LRRC3C: variants seen among roughly 807,000 people sequenced by gnomAD.
The protein encoded by LRRC3C is leucine-rich repeat-containing protein 3C.
A neutral mutation model predicts 14.8 loss-of-function variants in LRRC3C; 11 were observed. The ratio of observed to expected loss-of-function variants is 0.74; its 90% CI spans 0.47 to 1.23. LRRC3C has a LOEUF of 1.23. Ranked by LOEUF, LRRC3C falls within the 50% of genes most tolerant of loss-of-function variation. LRRC3C has a pLI of 0.00. For missense variants in LRRC3C, 354 were observed against 361.8 expected (o/e 0.98, Z 0.18); for synonymous variants, 149 against 161.5 (o/e 0.92, Z 0.59).
chr17:39,928,044 C>T (rs1978535308), intron 1 of LRRC3C: 2 of 219,924 alleles, frequency 9.1e-6, no homozygotes, highest in Non-Finnish European at 1.5e-5. Flanking sequence ...CAGACTAGCC[C>T]GGCCCTTTGC....
At position 39,937,812 on chromosome 17, in the gene LRRC3C, A is replaced by C. The variant is rs183375141; in HGVS notation, c.-82+1918A>C. On this transcript the variant is annotated intron_variant, in intron 2 of 3. Transcript: ENST00000377924. ...ATGATTCTTACCCTAGGTTGCCATTAGAATCACCTGAGGAGCTTTTGAAAA... is the reference window on the plus strand; with the variant it reads ...ATGATTCTTACCCTAGGTTGCCATTCGAATCACCTGAGGAGCTTTTGAAAA... Among the ~76,000 whole-genome samples, 499 of 152,336 alleles carry C rather than the reference A, an allele frequency of 3.3e-3. 1 individual carries two copies. The highest frequency in any genetic ancestry group is 3.1e-3 in the Admixed American group (47 of 15,302).
At chr17:39,927,946 G>T in intron 1 of LRRC3C, 132 bp downstream of exon 1, 3 of 860,328 alleles carry the variant, frequency 3.5e-6, no homozygotes, top group Non-Finnish European at 4.2e-6. Context: ...AGACTGGATC[G>T]AAACCCAAAT....
At chr17:39,935,689 C>A in intron 1 of LRRC3C, 113 bp from the exon 2 acceptor site, 2 of 384,148 alleles carry the variant, frequency 5.2e-6, no homozygotes, top group Non-Finnish European at 7.1e-6. Flanking sequence ...TCCCCAATGC[C>A]TAAGAGGCCC....
chr17:39,928,643 C>G (rs900932215), intron 1 of LRRC3C, among the ~76,000 whole-genome samples: 3 of 152,244 alleles, frequency 2.0e-5, no homozygotes, highest in African/African-American at 7.2e-5. Context: ...TCTAAGTCCA[C>G]TCTATGCAGG....
rs1385474161 is a variant in LRRC3C at position 39,944,765 on chromosome 17, A to C, written c.*31A>C. 6 of 1,528,216 alleles carry C rather than the reference A, an allele frequency of 3.9e-6. No individual in the cohort carries two copies. Among genetic ancestry groups the C allele is most frequent in the Non-Finnish European group, 5.3e-6 (6 of 1,141,132 alleles). The allele number at this position is 1,528,216 out of a possible 1,614,324, so 94.7% of individuals were successfully genotyped here. A position where few individuals can be genotyped will look rare whatever the true frequency, so the allele number is the denominator to read the frequency against. ...CAGGATGCTCCTCCAGCCACACCCC[A>C]CACTCCTGCCCCTATGCCCTCTCCT... On this transcript the variant is annotated 3_prime_UTR_variant, in exon 4 of 4. Transcript: ENST00000377924.
intron 2 of LRRC3C, among the ~76,000 whole-genome samples, chr17:39,937,062 A>G (rs12601749): frequency 0.62 from 94,263 of 151,380 alleles, 30,044 homozygotes; most frequent in African/African-American, 0.77. Flanking sequence ...GCTTGAACCC[A>G]GGAGGCAGAG....
intron 1 of LRRC3C, chr17:39,929,250 C>G (rs978940309): frequency 1.3e-5 from 2 of 152,208 alleles, no homozygotes; most frequent in Non-Finnish European, 2.9e-5. Flanking sequence ...TTCCTGACAT[C>G]TCTATGAAGT....
intron 1 of LRRC3C, among the ~76,000 whole-genome samples, chr17:39,932,449 A>G (rs1000550125): frequency 3.3e-5 from 5 of 152,180 alleles, no homozygotes; most frequent in Admixed American, 3.3e-4. Context: ...CAAGCCTGTA[A>G]TCCCAGCACT....
intron 1 of LRRC3C, chr17:39,934,731 C>A (rs1978750906): frequency 1.3e-5 from 2 of 152,082 alleles, no homozygotes; most frequent in Admixed American, 1.3e-4. Context: ...CAGGGTGAGT[C>A]CACAGTGCAA....
intron 1 of LRRC3C, among the ~76,000 whole-genome samples, chr17:39,930,194 A>G (rs1432606982): frequency 6.8e-6 from 1 of 146,838 alleles, no homozygotes; most frequent in Non-Finnish European, 1.5e-5. Context: ...GGGAGGATCA[A>G]TTGAGCCCGG....
intron 2 of LRRC3C, among the ~76,000 whole-genome samples, chr17:39,940,925 G>A (rs551364547): frequency 2.6e-4 from 40 of 152,132 alleles, no homozygotes; most frequent in African/African-American, 9.4e-4. Context: ...TGTATTTTTA[G>A]TAGAGATGGT....
intron 2 of LRRC3C, chr17:39,939,535 C>A: frequency 2.2e-6 from 1 of 453,328 alleles, no homozygotes; most frequent in Non-Finnish European, 2.9e-6. Flanking sequence ...CCCAGCATAA[C>A]TAATCTGTAA....
chr17:39,931,597 A>G (rs1389143681), intron 1 of LRRC3C, among the ~76,000 whole-genome samples: 1 of 151,020 alleles, frequency 6.6e-6, no homozygotes, highest in African/African-American at 2.4e-5. Context: ...GGTGATAATT[A>G]TGGAAGCTGT....
intron 1 of LRRC3C, among the ~76,000 whole-genome samples, chr17:39,930,396 T>TG (rs1460871943): frequency 2.1e-5 from 1 of 48,612 alleles, no homozygotes; most frequent in Non-Finnish European, 4.2e-5. Context: ...AAACTGACTT[T>TG]AAAAAAAAAA....
intron 1 of LRRC3C, among the ~76,000 whole-genome samples, chr17:39,930,089 G>A (rs1285099527): frequency 6.6e-6 from 1 of 151,618 alleles, no homozygotes; most frequent in Non-Finnish European, 1.5e-5. Context: ...GACCAACCTG[G>A]ACAACATGGT....
intron 1 of LRRC3C, among the ~76,000 whole-genome samples, chr17:39,934,371 GCTCCCTACCAA>G (rs1446293523): frequency 2.0e-5 from 3 of 152,136 alleles, no homozygotes; most frequent in Non-Finnish European, 4.4e-5. Context: ...AGACCCCCTA[GCTCCCTACCAA>G]CTGAGTTCCT....
At chr17:39,943,404 G>C (rs960894827) in intron 3 of LRRC3C, among the ~76,000 whole-genome samples, 1 of 152,148 alleles carries the variant, frequency 6.6e-6, no homozygotes, top group Admixed American at 6.5e-5. Context: ...CCCGGAAAAG[G>C]GGTAGATGGG....
At chr17:39,932,637 G>A (rs560291718) in intron 1 of LRRC3C, among the ~76,000 whole-genome samples, 38 of 151,630 alleles carry the variant, frequency 2.5e-4, no homozygotes, top group South Asian at 2.1e-4. Flanking sequence ...CGGGAGGATC[G>A]CTTGAGCCCA....
intron 2 of LRRC3C, among the ~76,000 whole-genome samples, chr17:39,940,045 C>T (rs966797551): frequency 2.1e-4 from 32 of 152,186 alleles, no homozygotes; most frequent in Admixed American, 1.6e-3. Context: ...GCTACAGTCC[C>T]GAAATGGACA....
Sources: allele counts gnomAD v4.1 joint callset (sites outside exome capture counted in the v4.1 genomes callset), GRCh38; gene constraint gnomAD v4.1.1; transcripts MANE v1.5; gene names NCBI Gene and HGNC (gene_info 2026-07-23, HGNC 2026-07-21).